BEAN1: variants seen among roughly 807,000 people sequenced by gnomAD.
BEAN1 encodes the protein protein BEAN1.
In BEAN1, 17 loss-of-function variants were observed where a neutral mutation model predicts 17.7. The ratio of observed to expected loss-of-function variants is 0.96; its 90% CI spans 0.66 to 1.44. The LOEUF (loss-of-function observed/expected upper bound fraction) is 1.44. BEAN1 is among the 40% of genes most tolerant of loss of function. The probability of loss-of-function intolerance (pLI) is 0.00; values close to 1 mark genes in which losing one functional copy is unlikely to be tolerated. For missense variants in BEAN1, 359 were observed against 374.1 expected (o/e 0.96, Z 0.33); for synonymous variants, 142 against 151.8 (o/e 0.94, Z 0.47).
At chr16:66,480,517 C>T (rs954679284) in intron 4 of BEAN1, 69 bp from the exon 5 acceptor site, 44 of 1,284,796 alleles carry the variant, frequency 3.4e-5, no homozygotes, top group Non-Finnish European at 4.3e-5. Flanking sequence ...CAGATAGACC[C>T]CCAGGCCTTT....
chr16:66,457,259 A>G (rs1962904259), intron 2 of BEAN1, among the ~76,000 whole-genome samples: 1 of 152,178 alleles, frequency 6.6e-6, no homozygotes, highest in Non-Finnish European at 1.5e-5. Flanking sequence ...ATGGATGGAT[A>G]AGTGAACGAT....
intron 2 of BEAN1, among the ~76,000 whole-genome samples, chr16:66,448,513 A>T (rs893834348): frequency 3.3e-5 from 5 of 152,226 alleles, no homozygotes; most frequent in African/African-American, 1.2e-4. Flanking sequence ...ATGTTCACAA[A>T]CTGAACACAT....
chr16:66,433,912 C>T (rs1378156591), intron 1 of BEAN1, among the ~76,000 whole-genome samples: 1 of 152,228 alleles, frequency 6.6e-6, no homozygotes, highest in Non-Finnish European at 1.5e-5. Context: ...CAGACCCAGG[C>T]TCTCTCCCCT....
downstream of BEAN1, chr16:66,485,516 G>A (rs75285386): frequency 0.056 from 12,842 of 230,354 alleles, 612 homozygotes; most frequent in East Asian, 0.15. Flanking sequence ...CACATTGCAC[G>A]TCCTCGGGGC....
rs993568312 is a variant in BEAN1 at position 66,480,754 on chromosome 16, T to G, written c.609T>G (p.Gly203=). ...AGGAGCAGAGGACCCCGGCCCAAGG[T>G]GGCCTTCACACGGTCTCCATGGACA... ...HQQEQRTPAQ[G]GLHTVSMDTL... Residue 203 remains glycine (G), a synonymous_variant, in exon 5 of 5, where the codon GGT becomes GGG. Transcript: ENST00000536005. 1.3e-6 allele frequency: 2 copies of G among 1,551,482 alleles called. No individual in the cohort carries two copies. The highest frequency in any genetic ancestry group is 3.9e-5 in the Admixed American group (2 of 50,998).
intron 2 of BEAN1, among the ~76,000 whole-genome samples, chr16:66,448,893 C>T (rs1414428904): frequency 6.6e-6 from 1 of 152,164 alleles, no homozygotes; most frequent in African/African-American, 2.4e-5. Flanking sequence ...GCCTGTAATC[C>T]CAACACTTTG....
intron 4 of BEAN1, among the ~76,000 whole-genome samples, chr16:66,491,993 A>G (rs1252344745): frequency 1.3e-5 from 2 of 152,048 alleles, no homozygotes; most frequent in Non-Finnish European, 2.9e-5. Flanking sequence ...CAACGGGAGG[A>G]GTTGGGCTTT....
At chr16:66,486,563 G>A (rs1054246151), downstream of BEAN1, among the ~76,000 whole-genome samples, 10 of 152,116 alleles carry the variant, frequency 6.6e-5, no homozygotes, top group South Asian at 2.1e-4. Context: ...CCAGGATTAC[G>A]GTCTCTGGCT....
rs2142491151 is a variant in BEAN1, at chr16:66,492,903, C to T, written c.148-59C>T. 4 of 656,288 alleles carry T rather than the reference C, an allele frequency of 6.1e-6. No individual in the cohort carries two copies. In the East Asian group the frequency reaches 8.1e-5, roughly 13 times the overall value. 40.7% of individuals were successfully genotyped at this position (656,288 alleles called of 1,614,324 possible). On this transcript the variant is annotated intron_variant, in intron 4 of 4. Coordinates refer to the BEAN1 transcript ENST00000561796. ...CCCTTGGTCCTGCCTGGCCTGGCCC[C>T]TCTCAGCCACTCTGCTGAGGCCTGT...
chr16:66,486,460 G>A (rs1411365269), downstream of BEAN1, among the ~76,000 whole-genome samples: 2 of 152,096 alleles, frequency 1.3e-5, no homozygotes, highest in Non-Finnish European at 2.9e-5. Flanking sequence ...TCACCATGTT[G>A]GCCAGGCTGG....
chr16:66,449,477 CAT>C (rs1962585656), intron 2 of BEAN1, among the ~76,000 whole-genome samples: 2 of 151,426 alleles, frequency 1.3e-5, no homozygotes, highest in Admixed American at 1.3e-4. Context: ...CATGGTGGTG[CAT>C]GCCTGTAATC....
intron 4 of BEAN1, 130 bp downstream of exon 4, chr16:66,477,840 G>A (rs751776709): frequency 6.6e-5 from 73 of 1,111,252 alleles, no homozygotes; most frequent in Middle Eastern, 3.0e-4. Flanking sequence ...TGCTCAGTGG[G>A]CATGGCCACC....
rs568264215 is a variant in BEAN1 at position 66,473,544 on chromosome 16, C to T, written c.289+3679C>T. ...GAGCAGCTGTGGGAGAACATGAAAG[C>T]GGCACCACCAGGCGCGGTGCCTCAC... On this transcript the variant is annotated intron_variant, in intron 3 of 4. Coordinates refer to ENST00000536005, the MANE Select transcript of BEAN1 (RefSeq NM_001178020.3). This position sits in a 1 kb window ranked among gnomAD's most constrained non-coding sequence, Gnocchi z 4.5. Among the ~76,000 whole-genome samples, 8 of 151,876 alleles carry T rather than the reference C, an allele frequency of 5.3e-5. No individual in the cohort carries two copies. Among genetic ancestry groups the T allele is most frequent in the Non-Finnish European group, 1.0e-4 (7 of 67,908 alleles).
chr16:66,472,035 A>G (rs1288712627), intron 3 of BEAN1, among the ~76,000 whole-genome samples: 2 of 152,134 alleles, frequency 1.3e-5, no homozygotes, highest in Middle Eastern at 6.8e-3. Context: ...TCCCCTGTCC[A>G]TGCTCCTTCC....
chr16:66,456,909 T>TA (rs1473992545), intron 2 of BEAN1, among the ~76,000 whole-genome samples: 1 of 152,240 alleles, frequency 6.6e-6, no homozygotes, highest in African/African-American at 2.4e-5. Context: ...GCTTTCATCT[T>TA]ACATTTATAG....
At chr16:66,460,951 T>C (rs1297594728) in intron 2 of BEAN1, among the ~76,000 whole-genome samples, 1 of 152,202 alleles carries the variant, frequency 6.6e-6, no homozygotes, top group Admixed American at 6.5e-5. Flanking sequence ...GATAATGTGG[T>C]GCATGACAAG....
At chr16:66,478,436 A>C (rs896785461) in intron 4 of BEAN1, among the ~76,000 whole-genome samples, 1 of 151,948 alleles carries the variant, frequency 6.6e-6, no homozygotes, top group Non-Finnish European at 1.5e-5. Context: ...CCCCATCTCT[A>C]CTAAAAATAC....
chr16:66,445,506 A>T lies in BEAN1; in HGVS notation c.25+7805A>T, dbSNP rs1962417664. Reference sequence around the variant, plus strand: ...AAAAAAAAAAAAAAAAAAAAAAAAAAAAAAAAAAAGCAGAGTGAGGTGATG... The same window carrying T: ...AAAAAAAAAAAAAAAAAAAAAAAAATAAAAAAAAAGCAGAGTGAGGTGATG... On this transcript the variant is annotated intron_variant, in intron 2 of 4. Transcript: ENST00000536005. Among the ~76,000 whole-genome samples, 2 of 113,540 alleles carry T rather than the reference A, an allele frequency of 1.8e-5. 1 individual carries two copies. The highest frequency in any genetic ancestry group is 5.9e-4 in the South Asian group (2 of 3,398). 74.5% of individuals were successfully genotyped at this position (113,540 alleles called of 152,430 possible).
chr16:66,477,255 A>T (rs1963783875), intron 3 of BEAN1, among the ~76,000 whole-genome samples: 2 of 151,980 alleles, frequency 1.3e-5, no homozygotes, highest in Admixed American at 1.3e-4. Context: ...TCCCAGTAGG[A>T]CCTCTACCAA....
Sources: gnomAD v4.1 joint callset for allele counts (sites outside exome capture counted in the v4.1 genomes callset) on GRCh38, gnomAD v4.1.1 for gene constraint, Gnocchi (gnomAD v3.1) non-coding constraint, MANE v1.5 for transcripts, NCBI Gene and HGNC (gene_info 2026-07-23, HGNC 2026-07-21) for gene names.